The following MIPOL1 variants were observed in gnomAD, a reference collection of about 807,000 sequenced individuals.
MIPOL1 encodes the protein mirror-image polydactyly gene 1 protein.
A neutral mutation model predicts 60.9 loss-of-function variants in MIPOL1; 57 were observed. That is an observed-to-expected ratio of 0.94 (90% CI 0.76 to 1.17). The LOEUF is 1.17. Among genes scored for constraint, MIPOL1 ranks in the 50% most tolerant of loss-of-function variants. The pLI is 0.00. For synonymous variants in MIPOL1, 179 were observed against 168.8 expected, an observed-to-expected ratio of 1.06 and a Z score of -0.47; for missense variants, 551 against 511.6, an observed-to-expected ratio of 1.08 and a Z score of -0.74.
At chr14:37,311,087 CAG>C (rs555231270) in intron 9 of MIPOL1, among the ~76,000 whole-genome samples, 47 of 152,238 alleles carry the variant, frequency 3.1e-4, no homozygotes, top group African/African-American at 8.4e-4. Flanking sequence ...ATGACACTCT[CAG>C]GGGGAAAAAA....
intron 1 of MIPOL1, among the ~76,000 whole-genome samples, chr14:37,210,578 C>T (rs1310988487): frequency 6.6e-6 from 1 of 152,078 alleles, no homozygotes; most frequent in Non-Finnish European, 1.5e-5. Flanking sequence ...TCCTCGAAGG[C>T]TTGAAGATTA....
chr14:37,358,491 A>G (rs1448468308), intron 9 of MIPOL1, among the ~76,000 whole-genome samples: 2 of 152,174 alleles, frequency 1.3e-5, no homozygotes, highest in East Asian at 3.9e-4. Flanking sequence ...CATCCTCTCC[A>G]GCATCTGTTG....
chr14:37,497,573 G>A (rs1300806123), intron 11 of MIPOL1, among the ~76,000 whole-genome samples: 1 of 152,182 alleles, frequency 6.6e-6, no homozygotes, highest in Non-Finnish European at 1.5e-5. Context: ...AGGCATGGTG[G>A]CATATGCCCA....
chr14:37,409,444 G>A (rs564446072), intron 10 of MIPOL1, among the ~76,000 whole-genome samples: 2 of 152,032 alleles, frequency 1.3e-5, no homozygotes, highest in African/African-American at 4.8e-5. Context: ...AAATTATTTA[G>A]AACTAAAACA....
intron 9 of MIPOL1, among the ~76,000 whole-genome samples, chr14:37,318,846 T>TA (rs1446303063): frequency 1.3e-5 from 2 of 151,866 alleles, no homozygotes; most frequent in African/African-American, 2.4e-5. Context: ...GTTAGTTAGT[T>TA]AAGACAGAGT....
intron 9 of MIPOL1, among the ~76,000 whole-genome samples, chr14:37,338,357 G>C (rs191796866): frequency 2.7e-5 from 4 of 150,716 alleles, no homozygotes; most frequent in Non-Finnish European, 5.9e-5. Flanking sequence ...TGATCCGCTC[G>C]CCTTGGCCTC....
chr14:37,442,048 C>CT (rs1339287082), intron 11 of MIPOL1, among the ~76,000 whole-genome samples: 1 of 150,528 alleles, frequency 6.6e-6, no homozygotes, highest in Non-Finnish European at 1.5e-5. Flanking sequence ...CATAGATGAC[C>CT]TTTTGTAGGT....
chr14:37,270,903 AC>A (rs1243561106), intron 6 of MIPOL1, among the ~76,000 whole-genome samples: 11 of 152,010 alleles, frequency 7.2e-5, no homozygotes, highest in Non-Finnish European at 1.6e-4. Context: ...GAGAGGAAAT[AC>A]TTCTCCTTTG....
intron 10 of MIPOL1, among the ~76,000 whole-genome samples, chr14:37,371,409 A>G (rs1217654169): frequency 6.6e-6 from 1 of 152,218 alleles, no homozygotes; most frequent in Non-Finnish European, 1.5e-5. Flanking sequence ...CTACTATCTA[A>G]TTTAAAACAA....
chr14:37,385,162 C>T (rs2093030848), intron 10 of MIPOL1, among the ~76,000 whole-genome samples: 1 of 151,936 alleles, frequency 6.6e-6, no homozygotes, highest in African/African-American at 2.4e-5. Flanking sequence ...AAAGAAACTG[C>T]TGTAAAATAT....
At chr14:37,320,870 C>G (rs2088508622) in intron 9 of MIPOL1, among the ~76,000 whole-genome samples, 1 of 152,050 alleles carries the variant, frequency 6.6e-6, no homozygotes, top group East Asian at 1.9e-4. Flanking sequence ...ATCCTCCCAA[C>G]AACGAATTGC....
chr14:37,329,171 C>T (rs1335013758), intron 9 of MIPOL1, among the ~76,000 whole-genome samples: 1 of 151,580 alleles, frequency 6.6e-6, no homozygotes, highest in African/African-American at 2.4e-5. Context: ...AGTTAATCAC[C>T]ACTCAATAGT....
chr14:37,280,840 G>A (rs187459209), intron 6 of MIPOL1, among the ~76,000 whole-genome samples: 21 of 152,136 alleles, frequency 1.4e-4, no homozygotes, highest in East Asian at 1.2e-3. Flanking sequence ...TGTATTTTTA[G>A]TAGAGACAGG....
intron 10 of MIPOL1, among the ~76,000 whole-genome samples, chr14:37,383,199 G>T (rs1241902451): frequency 1.3e-5 from 2 of 151,784 alleles, no homozygotes; most frequent in African/African-American, 4.8e-5. Context: ...CATATTCCAT[G>T]CAAGTGTTTT....
intron 9 of MIPOL1, among the ~76,000 whole-genome samples, chr14:37,355,703 T>C (rs1232289145): frequency 1.5e-5 from 2 of 134,736 alleles, no homozygotes; most frequent in Non-Finnish European, 3.2e-5. Flanking sequence ...TCGCATCGGC[T>C]CCTGAGGCTT....
chr14:37,277,848 T>A (rs536295878), intron 6 of MIPOL1: 1 of 151,542 alleles, frequency 6.6e-6, no homozygotes, highest in East Asian at 1.9e-4. Flanking sequence ...TAGCCAATAG[T>A]TGGAAATGGT....
At chr14:37,498,896 G>A (rs2095172442) in intron 11 of MIPOL1, among the ~76,000 whole-genome samples, 1 of 152,046 alleles carries the variant, frequency 6.6e-6, no homozygotes, top group South Asian at 2.1e-4. Flanking sequence ...AAAGTATCAG[G>A]CTAGATATTA....
chr14:37,288,710 C>T (rs1256774349), intron 7 of MIPOL1, among the ~76,000 whole-genome samples: 2 of 151,882 alleles, frequency 1.3e-5, no homozygotes, highest in Non-Finnish European at 2.9e-5. Context: ...ACTTTATAGG[C>T]TGAGGTGGGA....
intron 10 of MIPOL1, among the ~76,000 whole-genome samples, chr14:37,403,606 A>G (rs1400734570): frequency 6.6e-6 from 1 of 151,892 alleles, no homozygotes; most frequent in Non-Finnish European, 1.5e-5. Flanking sequence ...TCAGACACCC[A>G]TAATACTTTA....
Sources: allele counts gnomAD v4.1 joint callset (sites outside exome capture counted in the v4.1 genomes callset), GRCh38; gene constraint gnomAD v4.1.1; transcripts MANE v1.5; gene names NCBI Gene and HGNC (gene_info 2026-07-23, HGNC 2026-07-21).